The following PRKG1 variants were observed in gnomAD, a reference collection of about 807,000 sequenced individuals.
PRKG1 encodes the protein cGMP-dependent protein kinase 1.
PRKG1 carries 35 observed loss-of-function variants against 88.1 expected under a neutral mutation model. The ratio of observed to expected loss-of-function variants is 0.40; its 90% CI spans 0.30 to 0.53. The LOEUF (loss-of-function observed/expected upper bound fraction) is 0.53. PRKG1 is among the 20% of genes least tolerant of loss of function. The probability of loss-of-function intolerance (pLI) is 0.59; values close to 1 mark genes in which losing one functional copy is unlikely to be tolerated. For synonymous variants in PRKG1, 303 were observed against 292.5 expected (o/e 1.04, Z -0.37); for missense variants, 540 against 839.8 (o/e 0.64, Z 4.41).
chr10:51,299,721 GT>G, intron 2 of PRKG1: 1 of 401,920 alleles, frequency 2.5e-6, no homozygotes, highest in South Asian at 1.8e-5. Context: ...CTGCACATGT[GT>G]TTTTTCCTGG....
intron 5 of PRKG1, among the ~76,000 whole-genome samples, chr10:51,927,621 T>A (rs1842607700): frequency 6.6e-6 from 1 of 152,044 alleles, no homozygotes; most frequent in African/African-American, 2.4e-5. Context: ...AGAGTCCCAC[T>A]TTATTTAGTT....
chr10:51,375,760 G>GA (rs887492553), intron 2 of PRKG1, among the ~76,000 whole-genome samples: 10 of 143,212 alleles, frequency 7.0e-5, no homozygotes, highest in Non-Finnish European at 1.2e-4. Flanking sequence ...GTGGTGGGGG[G>GA]GTGTTACTAT....
chr10:51,231,116 G>A (rs1245153392), intron 2 of PRKG1, among the ~76,000 whole-genome samples: 1 of 152,106 alleles, frequency 6.6e-6, no homozygotes, highest in East Asian at 1.9e-4. Context: ...TACTTCAGGA[G>A]GTAAAAAGAC....
chr10:51,952,130 C>G (rs930171086), intron 5 of PRKG1, among the ~76,000 whole-genome samples: 16 of 152,164 alleles, frequency 1.1e-4, no homozygotes, highest in African/African-American at 3.6e-4. Flanking sequence ...TTGCCAATCC[C>G]TCTGCTAGAG....
chr10:51,708,504 C>T (rs1314856574), intron 3 of PRKG1, among the ~76,000 whole-genome samples: 1 of 152,170 alleles, frequency 6.6e-6, no homozygotes, highest in East Asian at 1.9e-4. Context: ...TTCTCTCTCT[C>T]TCAAAATCTT....
At chr10:52,240,332 T>C (rs1173243323) in intron 9 of PRKG1, among the ~76,000 whole-genome samples, 1 of 152,018 alleles carries the variant, frequency 6.6e-6, no homozygotes, top group Non-Finnish European at 1.5e-5. Flanking sequence ...CTATCCCAAA[T>C]TGAGGGACAT....
At chr10:51,507,598 A>G (rs952678537) in intron 3 of PRKG1, among the ~76,000 whole-genome samples, 2 of 152,142 alleles carry the variant, frequency 1.3e-5, no homozygotes, top group African/African-American at 4.8e-5. Context: ...TCCCTAGGAC[A>G]CTGATTAAAC....
intron 9 of PRKG1, among the ~76,000 whole-genome samples, chr10:52,219,844 T>C (rs1422597171): frequency 1.3e-5 from 2 of 152,286 alleles, no homozygotes; most frequent in Admixed American, 1.3e-4. Context: ...ATATTGCAAA[T>C]GAAAGAGGTG....
At chr10:52,016,814 T>A (rs1304865649) in intron 5 of PRKG1, among the ~76,000 whole-genome samples, 1 of 152,126 alleles carries the variant, frequency 6.6e-6, no homozygotes, top group Non-Finnish European at 1.5e-5. Flanking sequence ...TAATAAAAAT[T>A]TTTTAAAAAC....
intron 1 of PRKG1, among the ~76,000 whole-genome samples, chr10:51,108,293 A>G (rs1210248200): frequency 6.6e-6 from 1 of 152,084 alleles, no homozygotes; most frequent in Non-Finnish European, 1.5e-5. Context: ...AGGGAATTAG[A>G]AGGGAAGAAA....
At chr10:51,840,689 G>A (rs1840252255) in intron 4 of PRKG1, among the ~76,000 whole-genome samples, 1 of 152,096 alleles carries the variant, frequency 6.6e-6, no homozygotes, top group African/African-American at 2.4e-5. Context: ...TGGGATTACA[G>A]GTGTGCACCG....
intron 2 of PRKG1, among the ~76,000 whole-genome samples, chr10:51,275,173 T>C (rs981691026): frequency 2.0e-5 from 3 of 152,238 alleles, no homozygotes; most frequent in African/African-American, 7.2e-5. Context: ...AGGACCACAC[T>C]TGTCAAAATA....
intron 7 of PRKG1, among the ~76,000 whole-genome samples, chr10:52,125,442 A>G (rs1281227188): frequency 1.3e-5 from 2 of 152,108 alleles, no homozygotes; most frequent in Admixed American, 6.5e-5. Context: ...GATCCTCCCT[A>G]TTAGTTATCT....
rs140578998 is a variant in PRKG1, at chr10:51,467,873, G to A, written c.592+37G>A. 1,468 of 1,509,042 alleles carry A rather than the reference G, an allele frequency of 9.7e-4. 14 individuals carry two copies. In the African/African-American group the frequency reaches 0.017, roughly 17 times the overall value. 93.5% of individuals were successfully genotyped at this position (1,509,042 alleles called of 1,614,324 possible). On this transcript the variant is annotated intron_variant, in intron 3 of 17. Transcript: ENST00000373980. ...TTCATATTTTTAAAATATTTTCAAT[G>A]TCTTTTCCCTAGGCCTTTGAGATGT... is the stretch of plus-strand genomic sequence containing the variant.
intron 5 of PRKG1, among the ~76,000 whole-genome samples, chr10:51,982,803 G>A (rs776820557): frequency 2.6e-5 from 4 of 151,196 alleles, no homozygotes; most frequent in Non-Finnish European, 5.9e-5. Flanking sequence ...TCCAGCAGCA[G>A]CAGCAGCAGC....
chr10:52,283,940 A>G (rs1231704920), intron 14 of PRKG1, among the ~76,000 whole-genome samples: 1 of 152,020 alleles, frequency 6.6e-6, no homozygotes, highest in Non-Finnish European at 1.5e-5. Flanking sequence ...AATATTAAAC[A>G]TGACAACTTA....
chr10:52,096,830 A>G (rs1391258593), intron 7 of PRKG1, among the ~76,000 whole-genome samples: 3 of 152,266 alleles, frequency 2.0e-5, no homozygotes, highest in Middle Eastern at 3.4e-3. Flanking sequence ...ATACCTAGGA[A>G]GGCAAATTGG....
intron 5 of PRKG1, among the ~76,000 whole-genome samples, chr10:51,985,532 CT>C (rs1156570543): frequency 6.6e-6 from 1 of 152,048 alleles, no homozygotes; most frequent in Non-Finnish European, 1.5e-5. Context: ...TTTAAGATTG[CT>C]TCTGTCAGCT....
intron 3 of PRKG1, among the ~76,000 whole-genome samples, chr10:51,515,424 A>G (rs545075626): frequency 6.6e-5 from 10 of 152,186 alleles, no homozygotes; most frequent in Non-Finnish European, 1.3e-4. Flanking sequence ...GTATATCCAA[A>G]TAATATAATT....
Sources: gnomAD v4.1 joint callset for allele counts (sites outside exome capture counted in the v4.1 genomes callset) on GRCh38, gnomAD v4.1.1 for gene constraint, MANE v1.5 for transcripts, NCBI Gene and HGNC (gene_info 2026-07-23, HGNC 2026-07-21) for gene names.